Variants in CENPP observed in about 807,000 individuals in gnomAD.
CENPP encodes centromere protein P.
A neutral mutation model predicts 35.6 loss-of-function variants in CENPP; 24 were observed. The ratio of observed to expected loss-of-function variants is 0.67; its 90% CI spans 0.49 to 0.95. The LOEUF (loss-of-function observed/expected upper bound fraction) is 0.95. Among genes scored for constraint, CENPP ranks in the 40% least tolerant of loss-of-function variants. The probability of loss-of-function intolerance (pLI) is 0.00; values close to 1 mark genes in which losing one functional copy is unlikely to be tolerated. For missense variants in CENPP, 332 were observed against 345.3 expected (o/e 0.96, Z 0.31); for synonymous variants, 120 against 125.5 (o/e 0.96, Z 0.29).
chr9:92,454,655 A>G (rs1844820588), intron 5 of CENPP, among the ~76,000 whole-genome samples: 1 of 151,274 alleles, frequency 6.6e-6, no homozygotes, highest in African/African-American at 2.4e-5. Context: ...TTCTTTGTAA[A>G]TGTTTATGGT....
At chr9:92,561,512 C>T (rs1849847352) in intron 5 of CENPP, among the ~76,000 whole-genome samples, 1 of 152,162 alleles carries the variant, frequency 6.6e-6, no homozygotes, top group Admixed American at 6.5e-5. Context: ...TTGTAATATT[C>T]TGGCAAGAGT....
intron 5 of CENPP, among the ~76,000 whole-genome samples, chr9:92,528,865 T>C (rs551893697): frequency 4.6e-5 from 7 of 152,320 alleles, no homozygotes; most frequent in Admixed American, 3.3e-4. Context: ...ACAGGAAAAG[T>C]TGACCCATAA....
At chr9:92,515,006 T>C (rs1169527356) in intron 5 of CENPP, 3 of 1,614,012 alleles carry the variant, frequency 1.9e-6, no homozygotes, top group East Asian at 2.2e-5. Context: ...GTCTCTCTCT[T>C]TTGCTCTGTA....
chr9:92,420,482 G>C (rs1843756164), intron 5 of CENPP, among the ~76,000 whole-genome samples: 1 of 152,112 alleles, frequency 6.6e-6, no homozygotes, highest in Admixed American at 6.6e-5. Flanking sequence ...CATGGTGACT[G>C]GTCTCACTCT....
intron 5 of CENPP, among the ~76,000 whole-genome samples, chr9:92,570,236 T>A (rs1251295695): frequency 6.6e-6 from 1 of 152,140 alleles, no homozygotes; most frequent in African/African-American, 2.4e-5. Flanking sequence ...GCTCTTATTA[T>A]TTTGAGATAT....
chr9:92,589,519 A>G (rs1271518927), intron 5 of CENPP, among the ~76,000 whole-genome samples: 2 of 152,052 alleles, frequency 1.3e-5, no homozygotes, highest in Non-Finnish European at 2.9e-5. Context: ...ACCCTAACCC[A>G]AGAAAAGACA....
intron 5 of CENPP, among the ~76,000 whole-genome samples, chr9:92,426,753 A>G (rs1256165086): frequency 6.6e-6 from 1 of 152,186 alleles, no homozygotes; most frequent in Non-Finnish European, 1.5e-5. Context: ...ACAGTGATTC[A>G]TGTGGTAATA....
chr9:92,495,444 C>T (rs575274402), intron 5 of CENPP: 2 of 985,010 alleles, frequency 2.0e-6, no homozygotes, highest in African/African-American at 1.7e-5. Context: ...GATGCTATGA[C>T]CAGTGGTGCA....
At chr9:92,542,190 G>T (rs1004354459) in intron 5 of CENPP, among the ~76,000 whole-genome samples, 1 of 152,150 alleles carries the variant, frequency 6.6e-6, no homozygotes, top group Non-Finnish European at 1.5e-5. Context: ...TTCTATAATG[G>T]CTCCTTTCTT....
chr9:92,513,285 G>T (rs1464391232), intron 5 of CENPP, among the ~76,000 whole-genome samples: 1 of 152,144 alleles, frequency 6.6e-6, no homozygotes, highest in Non-Finnish European at 1.5e-5. Context: ...TGTCAAAAAG[G>T]AAGGGAGAAA....
chr9:92,409,333 A>T (rs1350728090), intron 5 of CENPP, among the ~76,000 whole-genome samples: 2 of 152,210 alleles, frequency 1.3e-5, no homozygotes, highest in East Asian at 3.8e-4. Flanking sequence ...GAATCAGGAA[A>T]CCAGGGTTTT....
At chr9:92,377,571 TAA>T (rs758396732) in intron 4 of CENPP, among the ~76,000 whole-genome samples, 9 of 152,190 alleles carry the variant, frequency 5.9e-5, no homozygotes, top group Non-Finnish European at 7.3e-5. Flanking sequence ...TTTTTCTGAT[TAA>T]GTGTTTTCTC....
intron 5 of CENPP, among the ~76,000 whole-genome samples, chr9:92,480,087 A>C (rs1427068550): frequency 2.0e-5 from 3 of 152,180 alleles, no homozygotes; most frequent in African/African-American, 7.2e-5. Context: ...GGCAGTATTC[A>C]GGTTACTCTA....
intron 1 of CENPP, 65 bp from the exon 2 acceptor site, chr9:92,332,105 A>C (rs1840767334): frequency 1.9e-6 from 2 of 1,053,792 alleles, no homozygotes; most frequent in Admixed American, 5.2e-5. Flanking sequence ...TTTGAGGAAA[A>C]TGGGGTTATT....
At chr9:92,329,723 TTGTG>T (rs113846007) in intron 1 of CENPP, among the ~76,000 whole-genome samples, 1 of 150,978 alleles carries the variant, frequency 6.6e-6, no homozygotes, top group Non-Finnish European at 1.5e-5. Context: ...CCAGATAATT[TTGTG>T]TGTGTGTGTG....
rs2131363344 is a variant in CENPP, at chr9:92,578,406, A to C, written c.565-32908A>C. ...TTCCACAATGGTTGAACTAGTTTAC[A>C]GTCCCACCAACAGTGTAAAAGTGTT... is the stretch of plus-strand genomic sequence containing the variant. On this transcript the variant is annotated intron_variant, in intron 5 of 7. Coordinates refer to ENST00000375587, the MANE Select transcript of CENPP (RefSeq NM_001012267.3). Among the ~76,000 whole-genome samples, 3 of 152,290 alleles carry C rather than the reference A, an allele frequency of 2.0e-5. 1 individual carries two copies. The highest frequency in any genetic ancestry group is 6.8e-3 in the Middle Eastern group (2 of 294).
At chr9:92,605,332 A>G (rs1474280255) in intron 5 of CENPP, among the ~76,000 whole-genome samples, 3 of 151,904 alleles carry the variant, frequency 2.0e-5, no homozygotes, top group Non-Finnish European at 4.4e-5. Context: ...ATTTTCGTAT[A>G]TGGTGTACAG....
chr9:92,407,294 C>T (rs1843332034), intron 5 of CENPP, among the ~76,000 whole-genome samples: 1 of 152,160 alleles, frequency 6.6e-6, no homozygotes, highest in Non-Finnish European at 1.5e-5. Context: ...GGTTGGTCTT[C>T]CTGGCATAGC....
At chr9:92,494,431 A>T (rs1163127718) in intron 5 of CENPP, among the ~76,000 whole-genome samples, 1 of 152,176 alleles carries the variant, frequency 6.6e-6, no homozygotes, top group East Asian at 1.9e-4. Context: ...TTAGTAATGC[A>T]CCTTCATTCC....
Sources: gnomAD v4.1 joint callset for allele counts (sites outside exome capture counted in the v4.1 genomes callset) on GRCh38, gnomAD v4.1.1 for gene constraint, MANE v1.5 for transcripts, NCBI Gene and HGNC (gene_info 2026-07-23, HGNC 2026-07-21) for gene names.